The following DPYD variants were observed in gnomAD, a reference collection of about 807,000 sequenced individuals.
The protein encoded by DPYD is dihydropyrimidine dehydrogenase, also known as dihydropyrimidine dehydrogenase [NADP(+)].
Under a neutral mutation model 116.2 loss-of-function variants are expected in DPYD, and 109 were observed. The ratio of observed to expected loss-of-function variants is 0.94; its 90% CI spans 0.80 to 1.10. The LOEUF (loss-of-function observed/expected upper bound fraction) is 1.10. DPYD is among the 50% of genes least tolerant of loss of function. The pLI, the probability that DPYD is intolerant of heterozygous loss-of-function variation, is 0.00. For synonymous variants in DPYD, 440 were observed against 432.0 expected (o/e 1.02, Z -0.23); for missense variants, 1,302 against 1,254.5 (o/e 1.04, Z -0.57).
rs76737814 is a variant in DPYD at position 97,276,323 on chromosome 1, T to C, written c.2299+28936A>G. Among the ~76,000 whole-genome samples the C allele has an allele frequency of 9.2e-3, 1,403 of 152,140 alleles. 21 individuals carry two copies. Among genetic ancestry groups the C allele is most frequent in the South Asian group, 0.029 (139 of 4,816 alleles). On this transcript the variant is annotated intron_variant, in intron 18 of 22. Transcript: ENST00000370192. ...ACAAGTGTGACCTAAGTAAACTAAA[T>C]AGCTTCAGCACAGCAAAAGAAATTA...
intron 16 of DPYD, among the ~76,000 whole-genome samples, chr1:97,338,743 G>T (rs377245939): frequency 1.3e-5 from 2 of 152,158 alleles, no homozygotes; most frequent in African/African-American, 2.4e-5. Flanking sequence ...TAGCTCACCA[G>T]ACAAAATTGC....
chr1:97,556,134 G>A (rs1651684856), intron 11 of DPYD, among the ~76,000 whole-genome samples: 1 of 152,128 alleles, frequency 6.6e-6, no homozygotes, highest in Non-Finnish European at 1.5e-5. Flanking sequence ...TCATGCAAAG[G>A]CAAAGTTGTT....
intron 18 of DPYD, among the ~76,000 whole-genome samples, chr1:97,276,594 A>G (rs1231374193): frequency 6.6e-6 from 1 of 151,982 alleles, no homozygotes; most frequent in African/African-American, 2.4e-5. Context: ...AATGAAAATC[A>G]AAACCACAAA....
chr1:97,663,179 T>G (rs79409486), intron 8 of DPYD, among the ~76,000 whole-genome samples: 1 of 152,248 alleles, frequency 6.6e-6, no homozygotes, highest in East Asian at 1.9e-4. Context: ...CTTCTCATAT[T>G]ATTTCCCCAG....
rs1462633984 is a variant in DPYD at position 97,598,621 on chromosome 1, G to A, written c.851-3455C>T. Among the ~76,000 whole-genome samples the A allele has an allele frequency of 2.0e-5, 3 of 149,134 alleles. No individual in the cohort carries two copies. The East Asian group carries it at 6.1e-4, about 30-fold the overall frequency. ...AAAAGAAGGGAGGGAGGGAGGGAAG[G>A]AGGGAGGGAGGGAGGAACGAAGGAA... On this transcript the variant is annotated intron_variant, in intron 8 of 22. Coordinates refer to ENST00000370192, the MANE Select transcript of DPYD (RefSeq NM_000110.4).
chr1:97,177,660 A>G (rs1282444031), intron 20 of DPYD, among the ~76,000 whole-genome samples: 1 of 151,790 alleles, frequency 6.6e-6, no homozygotes, highest in African/African-American at 2.4e-5. Flanking sequence ...ATATTGTCCA[A>G]GGCTTACTGC....
At chr1:97,885,215 T>C (rs937704145) in intron 1 of DPYD, among the ~76,000 whole-genome samples, 2 of 152,028 alleles carry the variant, frequency 1.3e-5, no homozygotes, top group Non-Finnish European at 2.9e-5. Context: ...TTAAAAATTA[T>C]TGGGTCATGT....
intron 3 of DPYD, among the ~76,000 whole-genome samples, chr1:97,771,015 C>T (rs935022966): frequency 7.9e-5 from 12 of 152,042 alleles, no homozygotes; most frequent in African/African-American, 2.9e-4. Context: ...ATGAAATTTG[C>T]TAACATTAAA....
At chr1:97,250,731 A>T (rs986434817) in intron 18 of DPYD, among the ~76,000 whole-genome samples, 1 of 152,212 alleles carries the variant, frequency 6.6e-6, no homozygotes, top group African/African-American at 2.4e-5. Context: ...GTTTTAGTAC[A>T]GATAAAAAGA....
chr1:97,776,093 T>C (rs1037977496), intron 3 of DPYD, among the ~76,000 whole-genome samples: 1 of 152,146 alleles, frequency 6.6e-6, no homozygotes, highest in African/African-American at 2.4e-5. Flanking sequence ...GATCTAGCAT[T>C]TGATAGTACA....
At chr1:97,123,614 C>T (rs1485373133) in intron 20 of DPYD, among the ~76,000 whole-genome samples, 1 of 152,080 alleles carries the variant, frequency 6.6e-6, no homozygotes, top group African/African-American at 2.4e-5. Flanking sequence ...AGAAAATCCA[C>T]AATCTAGATG....
chr1:97,270,506 T>C (rs1396683456), intron 18 of DPYD, among the ~76,000 whole-genome samples: 4 of 152,186 alleles, frequency 2.6e-5, no homozygotes, highest in African/African-American at 9.7e-5. Flanking sequence ...TATGGACCTG[T>C]GCTCTAAAGG....
At chr1:97,274,543 A>T (rs117235559) in intron 18 of DPYD, among the ~76,000 whole-genome samples, 3,849 of 152,206 alleles carry the variant, frequency 0.025, 457 homozygotes, top group Admixed American at 0.21. Flanking sequence ...TTTCTTTATA[A>T]ATTACCCAGC....
chr1:97,721,777 A>G, intron 4 of DPYD, 106 bp from the exon 5 acceptor site: 1 of 1,104,670 alleles, frequency 9.1e-7, no homozygotes, highest in South Asian at 1.4e-5. Flanking sequence ...ATTGAAGATA[A>G]TGATGTGTAT....
intron 20 of DPYD, among the ~76,000 whole-genome samples, chr1:97,149,125 T>C (rs187389600): frequency 6.6e-6 from 1 of 152,242 alleles, no homozygotes; most frequent in Non-Finnish European, 1.5e-5. Flanking sequence ...GGATGTAATA[T>C]GTGTTGATTA....
chr1:97,099,736 A>G (rs1650527648), intron 20 of DPYD, among the ~76,000 whole-genome samples: 1 of 152,074 alleles, frequency 6.6e-6, no homozygotes, highest in Admixed American at 6.6e-5. Context: ...TATTTTGGTG[A>G]AAAATCACAC....
In DPYD at chr1:97,355,933, T is replaced by C. The variant is rs532843012; in HGVS notation, c.2058+17628A>G. Among the ~76,000 whole-genome samples the C allele has an allele frequency of 3.9e-5, 6 of 152,346 alleles. No homozygotes were observed. In the South Asian group the frequency reaches 1.0e-3, roughly 26 times the overall value. Reference sequence around the variant, plus strand: ...CTTTGATAAGCTGATTTCAAATCTATTGCATAAATACCCAGAAGTAGGATT... The same window carrying C: ...CTTTGATAAGCTGATTTCAAATCTACTGCATAAATACCCAGAAGTAGGATT... On this transcript the variant is annotated intron_variant, in intron 16 of 22. Coordinates refer to ENST00000370192, the MANE Select transcript of DPYD (RefSeq NM_000110.4).
chr1:97,141,638 C>A lies in DPYD; in HGVS notation c.2623-43006G>T, dbSNP rs147541348. 2.4e-3 allele frequency among the ~76,000 whole-genome samples: 373 copies of A among 152,296 alleles called. 3 individuals carry two copies. Among genetic ancestry groups the A allele is most frequent in the African/African-American group, 8.6e-3 (359 of 41,574 alleles). ...TACATAGCCCTTATCACCGAATATA[C>A]TATCATTTATTATCTTTACTGTTTG... On this transcript the variant is annotated intron_variant, in intron 20 of 22. Coordinates refer to ENST00000370192, the MANE Select transcript of DPYD (RefSeq NM_000110.4).
intron 16 of DPYD, among the ~76,000 whole-genome samples, chr1:97,371,663 A>T (rs1358789911): frequency 1.3e-5 from 2 of 152,250 alleles, no homozygotes; most frequent in African/African-American, 4.8e-5. Context: ...AATATGGAAC[A>T]TTCATGTGTC....
Sources: allele counts gnomAD v4.1 joint callset (sites outside exome capture counted in the v4.1 genomes callset), GRCh38; gene constraint gnomAD v4.1.1; transcripts MANE v1.5; gene names NCBI Gene and HGNC (gene_info 2026-07-23, HGNC 2026-07-21).